LRRC74B: variants seen among roughly 807,000 people sequenced by gnomAD.
LRRC74B encodes leucine rich repeat containing 74B.
LRRC74B carries 30 observed loss-of-function variants against 16.6 expected under a neutral mutation model. That is an observed-to-expected ratio of 1.80 (90% CI 1.35 to 2.45). The LOEUF (loss-of-function observed/expected upper bound fraction) is 2.45, where lower values mean the gene tolerates loss of function less well. Among genes scored for constraint, LRRC74B ranks in the 30% most tolerant of loss-of-function variants. The probability of loss-of-function intolerance (pLI) is 0.00; values close to 1 mark genes in which losing one functional copy is unlikely to be tolerated. For missense variants in LRRC74B, 326 were observed against 202.4 expected (o/e 1.61, Z -3.71); for synonymous variants, 134 against 86.0 (o/e 1.56, Z -3.09).
rs190362920 is a variant in LRRC74B, at chr22:21,056,281, C to A, written c.928-824C>A. Among the ~76,000 whole-genome samples, 1,028 of 152,258 alleles carry A rather than the reference C, an allele frequency of 6.8e-3. 7 individuals are homozygous for A. The highest frequency in any genetic ancestry group is 9.0e-3 in the Non-Finnish European group (612 of 68,024). ...CTTCGGGAGGCTGAGGCAGGCAGAT[C>A]GCTTGAGGTCAGGAGTTTGAGCCCA... On this transcript the variant is annotated intron_variant, in intron 7 of 8. Transcript: ENST00000442047.
chr22:21,063,367 G>T (rs1287035916), downstream of LRRC74B: 1 of 152,114 alleles, frequency 6.6e-6, no homozygotes, highest in African/African-American at 2.4e-5. Flanking sequence ...TTTGAGCTAT[G>T]TGAGGCACGC....
chr22:21,052,359 G>T lies in LRRC74B; in HGVS notation c.732+1G>T, dbSNP rs1307807977. 3.1e-5 allele frequency: 22 copies of T among 717,258 alleles called. No homozygotes were observed. The highest frequency in any genetic ancestry group is 5.7e-5 in the Non-Finnish European group (22 of 385,108). 44.4% of individuals were successfully genotyped at this position (717,258 alleles called of 1,614,324 possible). A position where few individuals can be genotyped will look rare whatever the true frequency, so the allele number is the denominator to read the frequency against. On this transcript the variant is annotated splice_donor_variant, in intron 5 of 8. Transcript: ENST00000442047. LOFTEE classifies it high-confidence loss of function. ...TGTGGCATTTGCCAGGGGACTGGAGGTATGAAGCCCCCACCTAGTCGGCCC... is the reference window on the plus strand; with the variant it reads ...TGTGGCATTTGCCAGGGGACTGGAGTTATGAAGCCCCCACCTAGTCGGCCC...
intron 1 of LRRC74B, among the ~76,000 whole-genome samples, chr22:21,046,512 C>G (rs559928656): frequency 7.4e-4 from 113 of 152,324 alleles, no homozygotes; most frequent in African/African-American, 2.4e-3. Flanking sequence ...AGAGGCCTGA[C>G]TCTGGCAGGA....
chr22:21,052,452 A>T, intron 5 of LRRC74B, 94 bp downstream of exon 5: 1 of 689,766 alleles, frequency 1.4e-6, no homozygotes, highest in Non-Finnish European at 2.7e-6. Context: ...CTCGGAAATG[A>T]ACCTTGGATC....
chr22:21,048,098 G>C (rs774939863), intron 3 of LRRC74B, 82 bp downstream of exon 3: 2 of 704,052 alleles, frequency 2.8e-6, no homozygotes, highest in Non-Finnish European at 5.3e-6. Context: ...AAGCTGGGCC[G>C]TGTCACCTGG....
At chr22:21,050,220 A>G (rs183857709) in intron 4 of LRRC74B, among the ~76,000 whole-genome samples, 23 of 152,082 alleles carry the variant, frequency 1.5e-4, no homozygotes, top group African/African-American at 4.8e-4. Flanking sequence ...TATTTTTAGT[A>G]GAGATGGGGT....
At chr22:21,063,329 T>C (rs777098530), downstream of LRRC74B, 1 of 151,746 alleles carries the variant, frequency 6.6e-6, no homozygotes, top group Non-Finnish European at 1.5e-5. Flanking sequence ...ACTAAAAAAG[T>C]GAGAAAAATA....
chr22:21,056,414 A>G (rs1227922090), intron 7 of LRRC74B: 1 of 151,836 alleles, frequency 6.6e-6, no homozygotes, highest in Non-Finnish European at 1.5e-5. Flanking sequence ...AGGCAGGAGG[A>G]TCCTTTGAAC....
intron 2 of LRRC74B, 131 bp downstream of exon 2, chr22:21,047,629 A>G (rs775964329): frequency 3.2e-6 from 2 of 627,774 alleles, no homozygotes; most frequent in African/African-American, 1.8e-5. Context: ...CCTACCCTCC[A>G]CATCTGGGAG....
intron 5 of LRRC74B, 134 bp downstream of exon 5, chr22:21,052,492 T>C: frequency 1.6e-6 from 1 of 620,378 alleles, no homozygotes; most frequent in South Asian, 1.9e-5. Context: ...ACTGTTTCTT[T>C]AGGTGATTTT....
chr22:21,061,583 G>C (rs1930808066), downstream of LRRC74B: 1 of 152,188 alleles, frequency 6.6e-6, no homozygotes, highest in Non-Finnish European at 1.5e-5. Flanking sequence ...GATTGCTTGA[G>C]CTCAGGAGTT....
intron 7 of LRRC74B, chr22:21,056,703 G>A: frequency 4.8e-6 from 1 of 207,228 alleles, no homozygotes; most frequent in Non-Finnish European, 9.6e-6. Flanking sequence ...TCCAGCTCCG[G>A]CCACCTCACC....
chr22:21,054,182 C>A (rs919884658), intron 6 of LRRC74B, among the ~76,000 whole-genome samples: 1 of 152,198 alleles, frequency 6.6e-6, no homozygotes, highest in African/African-American at 2.4e-5. Flanking sequence ...AAAAATTGTC[C>A]ATTTCCGGTG....
intron 8 of LRRC74B, among the ~76,000 whole-genome samples, chr22:21,057,606 C>G (rs2148163489): frequency 1.4e-5 from 2 of 146,742 alleles, no homozygotes; most frequent in South Asian, 4.5e-4. Context: ...GATTAGGATC[C>G]CTTTTCATTC....
chr22:21,048,230 C>A (rs1235442750), intron 3 of LRRC74B: 1 of 556,098 alleles, frequency 1.8e-6, no homozygotes, highest in East Asian at 3.1e-5. Context: ...TCACCCACCC[C>A]ACACCATCAC....
chr22:21,056,767 T>G, intron 7 of LRRC74B: 1 of 241,896 alleles, frequency 4.1e-6, no homozygotes, highest in African/African-American at 2.3e-5. Flanking sequence ...AGCCTTTCCC[T>G]CCCAGGGGAG....
intron 7 of LRRC74B, 150 bp from the exon 8 acceptor site, chr22:21,056,955 C>A: frequency 1.7e-6 from 1 of 599,718 alleles, no homozygotes; most frequent in Non-Finnish European, 3.0e-6. Flanking sequence ...AGCATTCTGT[C>A]TGACTATCTG....
At chr22:21,055,753 C>T (rs139865667) in intron 7 of LRRC74B, among the ~76,000 whole-genome samples, 15 of 152,278 alleles carry the variant, frequency 9.9e-5, no homozygotes, top group African/African-American at 3.6e-4. Context: ...CCCACCCTAG[C>T]CTTACTGGGC....
chr22:21,053,525 G>T (rs1380307007), intron 6 of LRRC74B, 50 bp downstream of exon 6: 2 of 704,664 alleles, frequency 2.8e-6, no homozygotes, highest in Non-Finnish European at 5.3e-6. Flanking sequence ...CCATGATCTT[G>T]CTGCTGAAGC....
Sources: gnomAD v4.1 joint callset for allele counts (sites outside exome capture counted in the v4.1 genomes callset) on GRCh38, gnomAD v4.1.1 for gene constraint, MANE v1.5 for transcripts, NCBI Gene and HGNC (gene_info 2026-07-23, HGNC 2026-07-21) for gene names.